Variants in SNTB1 observed in about 807,000 individuals in gnomAD.
SNTB1 encodes the protein syntrophin beta 1.
A neutral mutation model predicts 48.9 loss-of-function variants in SNTB1; 36 were observed. The observed-to-expected ratio is 0.74, with a 90% CI of 0.56 to 0.97. The LOEUF (loss-of-function observed/expected upper bound fraction) is 0.97, where lower values mean the gene tolerates loss of function less well. SNTB1 is among the 50% of genes least tolerant of loss of function. SNTB1 has a pLI of 0.00. For missense variants in SNTB1, 786 were observed against 703.4 expected, an observed-to-expected ratio of 1.12 and a Z score of -1.33; for synonymous variants, 299 against 294.6, an observed-to-expected ratio of 1.01 and a Z score of -0.15.
At chr8:120,614,086 A>G (rs895477622) in intron 3 of SNTB1, among the ~76,000 whole-genome samples, 1 of 152,220 alleles carries the variant, frequency 6.6e-6, no homozygotes, top group Non-Finnish European at 1.5e-5. Flanking sequence ...TTAGGGCTCC[A>G]TGCACACTGT....
intron 3 of SNTB1, among the ~76,000 whole-genome samples, chr8:120,583,235 T>C (rs756292961): frequency 1.4e-4 from 22 of 152,166 alleles, no homozygotes; most frequent in Non-Finnish European, 2.2e-4. Context: ...GGATGGTTGC[T>C]CACGCCTGTA....
At chr8:120,595,810 C>T (rs549499374) in intron 3 of SNTB1, among the ~76,000 whole-genome samples, 7 of 152,100 alleles carry the variant, frequency 4.6e-5, no homozygotes, top group South Asian at 2.1e-4. Context: ...CTCGAACTCC[C>T]GACCTCAGGT....
intron 1 of SNTB1, among the ~76,000 whole-genome samples, chr8:120,797,546 C>CTCTTTTTT (rs1820140678): frequency 4.3e-5 from 3 of 69,090 alleles, no homozygotes; most frequent in African/African-American, 1.7e-4. Context: ...ACTTGTTTCT[C>CTCTTTTTT]TTTTTTTTTT....
At chr8:120,550,998 C>T (rs1815470435) in intron 4 of SNTB1, among the ~76,000 whole-genome samples, 1 of 152,166 alleles carries the variant, frequency 6.6e-6, no homozygotes, top group African/African-American at 2.4e-5. Flanking sequence ...TGGCTCACTC[C>T]TGTAATCCCA....
At chr8:120,706,415 C>G (rs1457414479) in intron 1 of SNTB1, among the ~76,000 whole-genome samples, 1 of 151,886 alleles carries the variant, frequency 6.6e-6, no homozygotes, top group Non-Finnish European at 1.5e-5. Flanking sequence ...CCTAAAATAC[C>G]AAAATTTCTA....
chr8:120,706,860 C>T lies in SNTB1; in HGVS notation c.572-12952G>A, dbSNP rs115511596. Reference sequence around the variant, plus strand: ...CAGTTATTTTTCAGTGACAGAAGCCCAGAGTCATAAAGCTTTTCCAAAGGA... The same window carrying T: ...CAGTTATTTTTCAGTGACAGAAGCCTAGAGTCATAAAGCTTTTCCAAAGGA... On this transcript the variant is annotated intron_variant, in intron 1 of 6. Transcript: ENST00000517992. Among the ~76,000 whole-genome samples, 667 of 152,210 alleles carry T rather than the reference C, an allele frequency of 4.4e-3. 4 individuals carry two copies. The highest frequency in any genetic ancestry group is 0.015 in the African/African-American group (628 of 41,532).
intron 1 of SNTB1, 74 bp downstream of exon 1, chr8:120,811,199 G>C: frequency 2.0e-6 from 3 of 1,520,076 alleles, no homozygotes; most frequent in Admixed American, 2.0e-5. Flanking sequence ...GTGAGTGTGA[G>C]TGTGAGCGTG....
chr8:120,584,438 CAAAAAAAAAAAA>C, intron 3 of SNTB1, among the ~76,000 whole-genome samples: 1 of 57,078 alleles, frequency 1.8e-5, no homozygotes, highest in Non-Finnish European at 2.9e-5. Flanking sequence ...AACTCCATCT[CAAAAAAAAAAAA>C]AAAAAAAAAA....
chr8:120,796,552 G>A (rs1039181971), intron 1 of SNTB1, among the ~76,000 whole-genome samples: 2 of 152,056 alleles, frequency 1.3e-5, no homozygotes, highest in African/African-American at 2.4e-5. Flanking sequence ...CACATTTGAA[G>A]TGGGAGGTTC....
At chr8:120,673,325 C>G (rs1269766570) in intron 2 of SNTB1, among the ~76,000 whole-genome samples, 1 of 150,928 alleles carries the variant, frequency 6.6e-6, no homozygotes. Context: ...AAATCTCACT[C>G]TGTCGCCCAG....
At chr8:120,595,567 A>AT (rs957333954) in intron 3 of SNTB1, among the ~76,000 whole-genome samples, 33 of 150,626 alleles carry the variant, frequency 2.2e-4, no homozygotes, top group Admixed American at 6.6e-4. Flanking sequence ...TGAAGTGGTC[A>AT]TTTTTTTTTA....
intron 2 of SNTB1, among the ~76,000 whole-genome samples, chr8:120,645,644 C>T (rs979400401): frequency 1.9e-4 from 25 of 128,456 alleles, no homozygotes; most frequent in Non-Finnish European, 3.0e-4. Context: ...CTTGGCAATG[C>T]GGGCTCTTTT....
At chr8:120,714,922 G>T (rs1195675682) in intron 1 of SNTB1, among the ~76,000 whole-genome samples, 1 of 152,200 alleles carries the variant, frequency 6.6e-6, no homozygotes, top group Non-Finnish European at 1.5e-5. Context: ...TTTGCTGAAT[G>T]CTGAAAGGAT....
intron 2 of SNTB1, among the ~76,000 whole-genome samples, chr8:120,672,475 G>A (rs893269482): frequency 6.6e-6 from 1 of 152,116 alleles, no homozygotes; most frequent in Non-Finnish European, 1.5e-5. Context: ...GTCAATCCTG[G>A]GGGTGAGGAT....
intron 1 of SNTB1, among the ~76,000 whole-genome samples, chr8:120,736,689 C>T (rs1818949480): frequency 6.6e-6 from 1 of 152,164 alleles, no homozygotes; most frequent in South Asian, 2.1e-4. Context: ...GATTGCCAAC[C>T]GTCTATTAAT....
intron 3 of SNTB1, among the ~76,000 whole-genome samples, chr8:120,601,888 C>T (rs545531993): frequency 9.2e-5 from 14 of 152,300 alleles, no homozygotes; most frequent in Admixed American, 8.5e-4. Context: ...CAGACAGTCA[C>T]CAGCATATGG....
At chr8:120,576,566 C>G (rs180973842) in intron 3 of SNTB1, among the ~76,000 whole-genome samples, 1 of 152,224 alleles carries the variant, frequency 6.6e-6, no homozygotes, top group East Asian at 1.9e-4. Context: ...TTATTTATTG[C>G]CTGTGTGACT....
rs369625169 is a variant in SNTB1, at chr8:120,609,582, C to T, written c.996+22862G>A. Among the ~76,000 whole-genome samples the T allele has an allele frequency of 2.6e-5, 4 of 151,840 alleles. 1 individual carries two copies. The highest frequency in any genetic ancestry group is 2.9e-5 in the Non-Finnish European group (2 of 67,962). On this transcript the variant is annotated intron_variant, in intron 3 of 6. Coordinates refer to ENST00000517992, the MANE Select transcript of SNTB1 (RefSeq NM_021021.4). ...GTATCTTTGGGGAGCGCTGCCAAGC[C>T]CTGCAGAACCACCTTTAAAAAATTT...
chr8:120,651,591 C>G (rs1203538546), intron 2 of SNTB1, among the ~76,000 whole-genome samples: 1 of 151,898 alleles, frequency 6.6e-6, no homozygotes, highest in South Asian at 2.1e-4. Flanking sequence ...GATAACATAC[C>G]CCAAAAGAAC....
Sources: allele counts gnomAD v4.1 joint callset (sites outside exome capture counted in the v4.1 genomes callset), GRCh38; gene constraint gnomAD v4.1.1; transcripts MANE v1.5; gene names NCBI Gene and HGNC (gene_info 2026-07-23, HGNC 2026-07-21).